Variants in SGCD observed in about 807,000 individuals in gnomAD.
SGCD encodes sarcoglycan delta.
In SGCD, 18 loss-of-function variants were observed where a neutral mutation model predicts 36.6. That is an observed-to-expected ratio of 0.49 (90% CI 0.34 to 0.73). The LOEUF (loss-of-function observed/expected upper bound fraction) is 0.73. Ranked by LOEUF, SGCD falls within the 30% of genes least tolerant of loss-of-function variation. SGCD has a pLI of 0.01. For synonymous variants in SGCD, 133 were observed against 130.6 expected, an observed-to-expected ratio of 1.02 and a Z score of -0.12; for missense variants, 387 against 346.7, an observed-to-expected ratio of 1.12 and a Z score of -0.92.
intron 1 of SGCD, among the ~76,000 whole-genome samples, chr5:155,967,873 T>C (rs548151427): frequency 2.5e-4 from 38 of 152,128 alleles, no homozygotes; most frequent in African/African-American, 8.2e-4. Context: ...CTGAGACACC[T>C]TTTTTTCTTC....
rs77268237 is a variant in SGCD at position 156,680,487 on chromosome 5, C to T, written c.575+32951C>T. 3.5e-4 allele frequency among the ~76,000 whole-genome samples: 53 copies of T among 152,206 alleles called. No homozygotes were observed. In the East Asian group the frequency reaches 8.5e-3, roughly 24 times the overall value. On this transcript the variant is annotated intron_variant, in intron 7 of 8. Coordinates refer to ENST00000337851, the MANE Select transcript of SGCD (RefSeq NM_000337.6). ...CAAAATGGGGATGCTAATATCATTA[C>T]GTAAGAAAATCCAGGCTGAAATGCA...
At chr5:156,296,951 TACAC>T (rs1004387629) in intron 3 of SGCD, among the ~76,000 whole-genome samples, 10 of 151,798 alleles carry the variant, frequency 6.6e-5, no homozygotes, top group African/African-American at 1.5e-4. Flanking sequence ...TACACACACA[TACAC>T]ACACTATATA....
chr5:156,243,956 A>T (rs1182428899), intron 3 of SGCD, among the ~76,000 whole-genome samples: 4 of 152,208 alleles, frequency 2.6e-5, no homozygotes, highest in African/African-American at 9.6e-5. Context: ...TGTGGAACAG[A>T]ATGTTTACCT....
chr5:155,874,248 T>G (rs1314610153), intron 1 of SGCD, among the ~76,000 whole-genome samples: 1 of 152,046 alleles, frequency 6.6e-6, no homozygotes, highest in African/African-American at 2.4e-5. Flanking sequence ...GGAAAGAGCT[T>G]TTTTTACAAC....
chr5:156,070,445 G>A (rs1351415920), intron 1 of SGCD, among the ~76,000 whole-genome samples: 2 of 150,784 alleles, frequency 1.3e-5, no homozygotes, highest in Non-Finnish European at 2.9e-5. Flanking sequence ...ATTGATTTGT[G>A]TATATTGAAC....
rs535145480 is a variant in SGCD, at chr5:156,216,544, C to T, written c.-44+92525C>T. Among the ~76,000 whole-genome samples, 11 of 152,250 alleles carry T rather than the reference C, an allele frequency of 7.2e-5. No individual in the cohort carries two copies. In the East Asian group the frequency reaches 1.9e-3, roughly 27 times the overall value. On this transcript the variant is annotated intron_variant, in intron 3 of 9. Transcript: ENST00000517913. ...ATGTTAATACTTATTTTATTACCAG[C>T]TCTCTCTTATGTCACTACCCATGAG...
chr5:156,604,547 G>A (rs1363874464), intron 6 of SGCD, among the ~76,000 whole-genome samples: 1 of 151,550 alleles, frequency 6.6e-6, no homozygotes, highest in Non-Finnish European at 1.5e-5. Flanking sequence ...AAGTCTTATA[G>A]TTACAATAGG....
At chr5:156,751,073 ATAAGG>A (rs1196316960) in intron 7 of SGCD, among the ~76,000 whole-genome samples, 1 of 152,234 alleles carries the variant, frequency 6.6e-6, no homozygotes, top group Non-Finnish European at 1.5e-5. Flanking sequence ...TTGAACAAGA[ATAAGG>A]TAAGAGGATT....
intron 1 of SGCD, among the ~76,000 whole-genome samples, chr5:156,041,311 C>T (rs934217097): frequency 3.3e-5 from 5 of 152,152 alleles, no homozygotes; most frequent in South Asian, 2.1e-4. Context: ...CCTTGTACTT[C>T]GGTCCAGTTC....
chr5:156,297,787 TA>T (rs1055372123), intron 3 of SGCD, among the ~76,000 whole-genome samples: 3 of 131,532 alleles, frequency 2.3e-5, no homozygotes, highest in Non-Finnish European at 4.7e-5. Flanking sequence ...TAAAGTATAA[TA>T]AAAAAATAAA....
intron 3 of SGCD, among the ~76,000 whole-genome samples, chr5:156,477,718 C>T (rs1755248775): frequency 6.9e-6 from 1 of 145,842 alleles, no homozygotes; most frequent in Admixed American, 6.9e-5. Context: ...ATGTCAAGGT[C>T]ATAGGCACTT....
chr5:156,537,496 CACACACACACAG>C (rs1425260919), intron 4 of SGCD, among the ~76,000 whole-genome samples: 9 of 149,328 alleles, frequency 6.0e-5, no homozygotes, highest in African/African-American at 2.0e-4. Context: ...CACACACACA[CACACACACACAG>C]GTATATATAT....
intron 3 of SGCD, among the ~76,000 whole-genome samples, chr5:156,482,639 A>G (rs1486033129): frequency 6.6e-6 from 1 of 152,274 alleles, no homozygotes; most frequent in East Asian, 1.9e-4. Context: ...ATTGTAAATG[A>G]GTAAGATGAT....
At chr5:156,337,603 C>T (rs372152727) in intron 2 of SGCD, among the ~76,000 whole-genome samples, 1 of 152,166 alleles carries the variant, frequency 6.6e-6, no homozygotes, top group South Asian at 2.1e-4. Flanking sequence ...ATCAGAATGA[C>T]CTTCCATGAC....
intron 1 of SGCD, among the ~76,000 whole-genome samples, chr5:156,073,868 C>T (rs1303232358): frequency 4.6e-5 from 7 of 152,138 alleles, no homozygotes; most frequent in Admixed American, 6.6e-5. Context: ...TGCTCAAGGG[C>T]TCTATGAAGC....
chr5:156,593,200 G>C (rs143145606), intron 5 of SGCD, among the ~76,000 whole-genome samples: 209 of 152,296 alleles, frequency 1.4e-3, no homozygotes, highest in African/African-American at 4.5e-3. Flanking sequence ...GAATAAGAAT[G>C]AGTTGGGAAA....
At chr5:155,784,724 G>A in the SGCD span, among the ~76,000 whole-genome samples, 304 of 147,418 alleles carry the variant, frequency 2.1e-3, 2 homozygotes, top group African/African-American at 7.3e-3. Context: ...TATGTTAAAA[G>A]TGTTTCAAAA....
intron 3 of SGCD, among the ~76,000 whole-genome samples, chr5:156,223,405 A>G (rs1764768608): frequency 6.6e-6 from 1 of 152,152 alleles, no homozygotes; most frequent in African/African-American, 2.4e-5. Flanking sequence ...CTTCAAATGA[A>G]GAAGCCTGCT....
intron 3 of SGCD, among the ~76,000 whole-genome samples, chr5:156,490,567 A>G (rs769166446): frequency 3.2e-4 from 48 of 152,206 alleles, no homozygotes; most frequent in Non-Finnish European, 5.7e-4. Flanking sequence ...AAATCAATAA[A>G]TGCAGTACAG....
Sources: gnomAD v4.1 joint callset for allele counts (sites outside exome capture counted in the v4.1 genomes callset) on GRCh38, gnomAD v4.1.1 for gene constraint, MANE v1.5 for transcripts, NCBI Gene and HGNC (gene_info 2026-07-23, HGNC 2026-07-21) for gene names.